LMBR1: variants seen among roughly 807,000 people sequenced by gnomAD.
LMBR1 encodes limb development membrane protein 1, also known as limb region 1 protein homolog.
A neutral mutation model predicts 73.9 loss-of-function variants in LMBR1; 52 were observed. That is an observed-to-expected ratio of 0.70 (90% CI 0.56 to 0.89). LMBR1 has a LOEUF of 0.89. Ranked by LOEUF, LMBR1 falls within the 40% of genes least tolerant of loss-of-function variation. LMBR1 has a pLI of 0.00. For synonymous variants in LMBR1, 215 were observed against 209.4 expected (o/e 1.03, Z -0.23); for missense variants, 539 against 579.8 (o/e 0.93, Z 0.72).
chr7:156,845,968 A>G (rs1035473449), intron 1 of LMBR1, among the ~76,000 whole-genome samples: 5 of 146,672 alleles, frequency 3.4e-5, no homozygotes, highest in Non-Finnish European at 4.5e-5. Context: ...AATACCTCAG[A>G]AAAAAAAAAA....
chr7:156,756,521 G>A, intron 8 of LMBR1, 56 bp from the exon 9 acceptor site: 2 of 844,990 alleles, frequency 2.4e-6, no homozygotes, highest in Non-Finnish European at 3.9e-6. Flanking sequence ...GAATGCTTAT[G>A]AGACCATTTA....
At chr7:156,847,985 C>T (rs925885287) in intron 1 of LMBR1, among the ~76,000 whole-genome samples, 11 of 151,908 alleles carry the variant, frequency 7.2e-5, no homozygotes, top group Middle Eastern at 3.4e-3. Flanking sequence ...CAGCTCTTTT[C>T]ATAATTGCCA....
intron 3 of LMBR1, among the ~76,000 whole-genome samples, chr7:156,828,245 T>C (rs1836051174): frequency 6.6e-6 from 1 of 152,150 alleles, no homozygotes; most frequent in South Asian, 2.1e-4. Context: ...AAACATGAAA[T>C]GGATTTTCAG....
At chr7:156,891,061 T>G (rs1802817460) in intron 1 of LMBR1, among the ~76,000 whole-genome samples, 1 of 151,154 alleles carries the variant, frequency 6.6e-6, no homozygotes, top group Non-Finnish European at 1.5e-5. Flanking sequence ...TGTGGTGGTG[T>G]GTGCCTGTAA....
intron 4 of LMBR1, among the ~76,000 whole-genome samples, chr7:156,802,993 A>G (rs1831286212): frequency 1.3e-5 from 2 of 152,198 alleles, no homozygotes; most frequent in Admixed American, 1.3e-4. Flanking sequence ...TTTATACAAA[A>G]ATTAATTCAA....
intron 4 of LMBR1, among the ~76,000 whole-genome samples, chr7:156,797,289 T>C (rs1277707336): frequency 2.0e-5 from 3 of 152,300 alleles, no homozygotes; most frequent in African/African-American, 7.2e-5. Context: ...GGGAGGGTAT[T>C]TGGCCCAACA....
At chr7:156,862,123 T>C (rs1797810392) in intron 1 of LMBR1, among the ~76,000 whole-genome samples, 1 of 152,188 alleles carries the variant, frequency 6.6e-6, no homozygotes, top group African/African-American at 2.4e-5. Context: ...CTGGGCAATT[T>C]ACAAAAGAAA....
chr7:156,693,164 G>A (rs1185538742), intron 15 of LMBR1, among the ~76,000 whole-genome samples: 1 of 151,966 alleles, frequency 6.6e-6, no homozygotes, highest in Non-Finnish European at 1.5e-5. Context: ...AAGGAGAAGA[G>A]AAGAAAAAAC....
intron 5 of LMBR1, among the ~76,000 whole-genome samples, chr7:156,768,051 T>C (rs904818758): frequency 3.9e-5 from 6 of 152,298 alleles, no homozygotes; most frequent in African/African-American, 1.4e-4. Flanking sequence ...GGTGAGTACA[T>C]AGCGCTTCAT....
At chr7:156,721,754 A>T (rs1048812989) in intron 15 of LMBR1, among the ~76,000 whole-genome samples, 1 of 152,154 alleles carries the variant, frequency 6.6e-6, no homozygotes, top group Admixed American at 6.6e-5. Flanking sequence ...CCAAGAATAC[A>T]TGGTCAAAAT....
intron 1 of LMBR1, among the ~76,000 whole-genome samples, chr7:156,857,031 C>T (rs1797070164): frequency 6.6e-6 from 1 of 151,212 alleles, no homozygotes; most frequent in Non-Finnish European, 1.5e-5. Context: ...AATTGATATG[C>T]TAAGAGAGGA....
chr7:156,832,736 A>C (rs1836912314), intron 3 of LMBR1, among the ~76,000 whole-genome samples: 1 of 152,206 alleles, frequency 6.6e-6, no homozygotes, highest in Non-Finnish European at 1.5e-5. Context: ...TTACTTCCTC[A>C]TCCTCCTCAG....
chr7:156,822,807 T>C (rs1835007032), intron 4 of LMBR1: 1 of 152,068 alleles, frequency 6.6e-6, no homozygotes, highest in South Asian at 2.1e-4. Flanking sequence ...GCAAAGGACA[T>C]TAATCAAATA....
intron 3 of LMBR1, among the ~76,000 whole-genome samples, chr7:156,833,194 TG>T (rs1190636372): frequency 1.3e-5 from 2 of 152,250 alleles, no homozygotes; most frequent in Non-Finnish European, 2.9e-5. Context: ...AAAAAAATCC[TG>T]GAATACAGAA....
intron 15 of LMBR1, among the ~76,000 whole-genome samples, chr7:156,701,751 C>A (rs111616005): frequency 6.6e-6 from 1 of 152,112 alleles, no homozygotes; most frequent in Non-Finnish European, 1.5e-5. Context: ...GGTGTTAGAC[C>A]CCACATGCTT....
At chr7:156,719,257 T>C (rs1288307453) in intron 15 of LMBR1, among the ~76,000 whole-genome samples, 1 of 151,756 alleles carries the variant, frequency 6.6e-6, no homozygotes, top group Non-Finnish European at 1.5e-5. Flanking sequence ...CTGCGATAGT[T>C]TACTGAGAAT....
At chr7:156,796,614 G>A in intron 4 of LMBR1, 122 bp from the exon 5 acceptor site, 1 of 517,830 alleles carries the variant, frequency 1.9e-6, no homozygotes, top group South Asian at 2.9e-5. Context: ...CCTAAACTTA[G>A]AAATCATAAA....
intron 15 of LMBR1, among the ~76,000 whole-genome samples, chr7:156,723,325 G>A (rs1215123370): frequency 6.6e-6 from 1 of 151,530 alleles, no homozygotes; most frequent in Admixed American, 6.6e-5. Flanking sequence ...AGCAATTTTT[G>A]TTATGAGCAA....
intron 14 of LMBR1, among the ~76,000 whole-genome samples, chr7:156,724,897 C>G (rs1563216867): frequency 6.6e-6 from 1 of 151,686 alleles, no homozygotes; most frequent in Non-Finnish European, 1.5e-5. Flanking sequence ...TCTTTGTCAG[C>G]CTACGGGAAT....
Sources: allele counts gnomAD v4.1 joint callset (sites outside exome capture counted in the v4.1 genomes callset), GRCh38; gene constraint gnomAD v4.1.1; transcripts MANE v1.5; gene names NCBI Gene and HGNC (gene_info 2026-07-23, HGNC 2026-07-21).